Variants in PHF20L1 observed in about 807,000 individuals in gnomAD.
The protein encoded by PHF20L1 is PHD finger protein 20 like 1.
Under a neutral mutation model 125.5 loss-of-function variants are expected in PHF20L1, and 44 were observed. The ratio of observed to expected loss-of-function variants is 0.35; its 90% CI spans 0.28 to 0.45. PHF20L1 has a LOEUF of 0.45. Among genes scored for constraint, PHF20L1 ranks in the 20% least tolerant of loss-of-function variants. The pLI is 1.00. For missense variants in PHF20L1, 1,012 were observed against 1,217.2 expected, an observed-to-expected ratio of 0.83 and a Z score of 2.51; for synonymous variants, 380 against 403.1, an observed-to-expected ratio of 0.94 and a Z score of 0.69.
intron 14 of PHF20L1, chr8:132,826,718 G>GTTC (rs1836223875): frequency 6.6e-6 from 1 of 151,960 alleles, no homozygotes; most frequent in Non-Finnish European, 1.5e-5. Context: ...CTCTAAGGTG[G>GTTC]GGAAGGGCCA....
chr8:132,832,358 A>C lies in PHF20L1; in HGVS notation c.1868A>C (p.Gln623Pro). Residue 623 changes from glutamine (Q) to proline (P), a missense_variant, in exon 15 of 21, where the codon CAG (glutamine) becomes CCG (proline). Physicochemically the swap from Gln to Pro is moderately conservative, Grantham distance 76. This residue lies in a region of PHF20L1 where 320 missense variants were observed against 293.8 expected (regional missense o/e 1.09). Coordinates refer to ENST00000395386, the MANE Select transcript of PHF20L1 (RefSeq NM_016018.5). ...SMFTEKTTTY[Q>P]YPRAILSVDL... The stretch of plus-strand genomic sequence containing the variant: ...TTTACGGAGAAAACTACAACCTATC[A>C]GTACCCAAGGGCAATTCTATCCGTT... 6.2e-7 allele frequency: 1 copy of C among 1,612,386 alleles called. No individual in the cohort carries two copies. Among genetic ancestry groups the C allele is most frequent in the Non-Finnish European group, 8.5e-7 (1 of 1,178,796 alleles).
chr8:132,816,970 C>T lies in PHF20L1; in HGVS notation c.1266C>T (p.Pro422=), dbSNP rs1308742970. The T allele has an allele frequency of 6.2e-7, 1 of 1,611,566 alleles. No individual in the cohort carries two copies. The highest frequency in any genetic ancestry group is 8.5e-7 in the Non-Finnish European group (1 of 1,178,178). The change falls in exon 11 of 21, where the codon CCC becomes CCT. Residue 422 remains proline, a synonymous_variant. Transcript: ENST00000395386. ...GATCTCAGCGTTTAGCCACCTTACC[C>T]ATGCCTGATGATTCTGTAGAAAAGG... ...RRRSQRLATL[P]MPDDSVEKVS...
intron 4 of PHF20L1, among the ~76,000 whole-genome samples, chr8:132,795,111 AGTTTGTG>A (rs1832231414): frequency 6.6e-6 from 1 of 152,136 alleles, no homozygotes; most frequent in Admixed American, 6.5e-5. Flanking sequence ...CTCTGTTTCT[AGTTTGTG>A]GCTAACTTAT....
At chr8:132,806,285 ACT>A (rs1245622297) in intron 8 of PHF20L1, 2 of 151,934 alleles carry the variant, frequency 1.3e-5, no homozygotes, top group East Asian at 1.9e-4. Flanking sequence ...CAACACAAAA[ACT>A]CTGCTGAGCC....
At chr8:132,845,696 C>G (rs922498748) in intron 20 of PHF20L1, 85 bp from the exon 21 acceptor site, 5 of 963,646 alleles carry the variant, frequency 5.2e-6, no homozygotes, top group Middle Eastern at 2.1e-4. Flanking sequence ...TTAACTCCAT[C>G]ACAGCTCCAA....
At chr8:132,801,953 A>G (rs1833102093) in intron 6 of PHF20L1, among the ~76,000 whole-genome samples, 1 of 151,590 alleles carries the variant, frequency 6.6e-6, no homozygotes. Context: ...GATGGAAATT[A>G]CTTCTGACAT....
chr8:132,794,036 A>G (rs1832101443), intron 2 of PHF20L1, among the ~76,000 whole-genome samples: 1 of 152,104 alleles, frequency 6.6e-6, no homozygotes, highest in Non-Finnish European at 1.5e-5. Context: ...TTCCAACCAT[A>G]TATTTAGATG....
At chr8:132,798,891 A>G in intron 5 of PHF20L1, 31 bp downstream of exon 5, 3 of 1,417,550 alleles carry the variant, frequency 2.1e-6, no homozygotes, top group Non-Finnish European at 3.0e-6. Context: ...TAGCTACCCA[A>G]AGGGTTATCT....
chr8:132,777,385 C>T (rs1042244487), intron 1 of PHF20L1, among the ~76,000 whole-genome samples: 3 of 152,210 alleles, frequency 2.0e-5, no homozygotes, highest in Admixed American at 2.0e-4. Context: ...ATTTTGTTCT[C>T]AAGAATTTCA....
rs1183621716 is a variant in PHF20L1, at chr8:132,844,191, TG to T, written c.2785del (p.Asp929IlefsTer23). 6.2e-7 allele frequency: 1 copy of T among 1,612,826 alleles called. No individual in the cohort carries two copies. The highest frequency in any genetic ancestry group is 8.5e-7 in the Non-Finnish European group (1 of 1,179,210). On this transcript the variant is annotated frameshift_variant, in exon 20 of 21. Transcript: ENST00000395386. LOFTEE classifies it high-confidence loss of function. The stretch of plus-strand genomic sequence containing the variant: ...AAGGGAATACAGTATTTGTTTATAA[TG>T]ATAAAAAGGGCACCGAAGACCCAGG... ...AEGNTVFVYN[D>X]KKGTEDPGDS... is the part of the protein sequence containing the mutation.
intron 2 of PHF20L1, among the ~76,000 whole-genome samples, chr8:132,778,847 C>T (rs1028472666): frequency 6.6e-6 from 1 of 152,060 alleles, no homozygotes; most frequent in African/African-American, 2.4e-5. Flanking sequence ...TCCTGAAGCC[C>T]GTTTATTTTG....
chr8:132,847,653 A>G lies in PHF20L1; in HGVS notation c.*1730A>G, dbSNP rs1838513930. 1 of 152,554 alleles carries G rather than the reference A, an allele frequency of 6.6e-6. No homozygotes were observed. The highest frequency in any genetic ancestry group is 2.1e-4 in the South Asian group (1 of 4,830). The allele number at this position is 152,554 out of a possible 1,614,324, so 9.5% of individuals were successfully genotyped here. A position where few individuals can be genotyped will look rare whatever the true frequency, so the allele number is the denominator to read the frequency against. On this transcript the variant is annotated 3_prime_UTR_variant, in exon 21 of 21. Coordinates refer to ENST00000395386, the MANE Select transcript of PHF20L1 (RefSeq NM_016018.5). ...TAAAGATTAAAAGAATGTGCAAAAC[A>G]GTCAGAAATTTTTATTGCCTTTTGA...
At chr8:132,824,267 T>A in intron 13 of PHF20L1, 2 of 377,464 alleles carry the variant, frequency 5.3e-6, no homozygotes, top group Admixed American at 9.2e-5. Flanking sequence ...GTCAAGAGAG[T>A]CTCTTGCTTT....
At chr8:132,802,144 C>CT (rs11326219) in intron 6 of PHF20L1, among the ~76,000 whole-genome samples, 56 of 143,744 alleles carry the variant, frequency 3.9e-4, no homozygotes, top group East Asian at 8.1e-4. Context: ...TCTCTCAATC[C>CT]TTTTTTTTTT....
intron 2 of PHF20L1, among the ~76,000 whole-genome samples, chr8:132,784,239 A>G (rs1249677130): frequency 6.6e-5 from 10 of 152,176 alleles, no homozygotes; most frequent in Admixed American, 2.6e-4. Context: ...CGTTTTTTAT[A>G]GAACTCTTTC....
chr8:132,842,656 A>G lies in PHF20L1; in HGVS notation c.2529A>G (p.Lys843=). Residue 843 remains lysine (K), a synonymous_variant, in exon 19 of 21, where the codon AAA becomes AAG. Transcript: ENST00000395386. Reference sequence around the variant, plus strand: ...AAAAGAAATATGTACAGAACCATAAAGAACCACCTCGTTTGCCCCTAAAAA... The same window carrying G: ...AAAAGAAATATGTACAGAACCATAAGGAACCACCTCGTTTGCCCCTAAAAA... ...REEKKYVQNH[K]EPPRLPLKME... The G allele has an allele frequency of 1.2e-6, 2 of 1,613,288 alleles. No individual in the cohort carries two copies. The highest frequency in any genetic ancestry group is 2.2e-5 in the South Asian group (2 of 91,048).
intron 6 of PHF20L1, chr8:132,803,421 A>G (rs1299093184): frequency 6.3e-6 from 1 of 159,944 alleles, no homozygotes; most frequent in African/African-American, 2.4e-5. Context: ...GCAAGATAGC[A>G]TTTTTCCCTT....
intron 14 of PHF20L1, among the ~76,000 whole-genome samples, chr8:132,827,987 A>G (rs142389704): frequency 9.3e-4 from 141 of 152,132 alleles, no homozygotes; most frequent in African/African-American, 3.0e-3. Flanking sequence ...TATTTACTTT[A>G]TCTTAGAAAT....
rs192396127 is a variant in PHF20L1 at position 132,796,595 on chromosome 8, C to T, written c.340+1778C>T. ...CATGAATATGGCTATGGTTTTCTTA[C>T]CACTGGTTACCCCTACAGAAAGAGT... On this transcript the variant is annotated intron_variant, in intron 4 of 20. Transcript: ENST00000395386. 1.1e-4 allele frequency among the ~76,000 whole-genome samples: 16 copies of T among 152,178 alleles called. No individual in the cohort carries two copies. The East Asian group carries it at 1.2e-3, about 11-fold the overall frequency.
Sources: gnomAD v4.1 joint callset for allele counts (sites outside exome capture counted in the v4.1 genomes callset) on GRCh38, gnomAD v4.1.1 for gene constraint, gnomAD v4.1.1 regional missense constraint, MANE v1.5 for transcripts, NCBI Gene and HGNC (gene_info 2026-07-23, HGNC 2026-07-21) for gene names.